FLI1: variants seen among roughly 807,000 people sequenced by gnomAD.
FLI1 encodes the protein Fli-1 proto-oncogene, ETS transcription factor.
FLI1 carries 13 observed loss-of-function variants against 53.1 expected under a neutral mutation model. The ratio of observed to expected loss-of-function variants is 0.24; its 90% CI spans 0.16 to 0.39. The LOEUF is 0.39. FLI1 is among the 10% of genes least tolerant of loss of function. The pLI is 1.00. For synonymous variants in FLI1, 244 were observed against 236.7 expected (o/e 1.03, Z -0.28); for missense variants, 424 against 600.5 (o/e 0.71, Z 3.07).
At chr11:128,746,212 C>A (rs1403650579) in intron 1 of FLI1, among the ~76,000 whole-genome samples, 1 of 152,062 alleles carries the variant, frequency 6.6e-6, no homozygotes, top group East Asian at 1.9e-4. Context: ...TTCTTAGGTG[C>A]CAGGAAGTGT....
At chr11:128,764,814 C>G in intron 2 of FLI1, 1 of 1,592,672 alleles carries the variant, frequency 6.3e-7, no homozygotes, top group South Asian at 1.1e-5. Flanking sequence ...GGCAGGCGAG[C>G]GGGCGAGGTA....
intron 2 of FLI1, among the ~76,000 whole-genome samples, chr11:128,760,527 T>C (rs1347016889): frequency 7.1e-6 from 1 of 141,090 alleles, no homozygotes; most frequent in South Asian, 2.4e-4. Flanking sequence ...TTCCTTTTTT[T>C]TTTTTTTTTT....
intron 4 of FLI1, among the ~76,000 whole-genome samples, chr11:128,781,291 C>T (rs982550161): frequency 6.6e-6 from 1 of 152,176 alleles, no homozygotes; most frequent in Non-Finnish European, 1.5e-5. Context: ...TTACCCTCAC[C>T]TGTGAAAGGA....
intron 1 of FLI1, among the ~76,000 whole-genome samples, chr11:128,698,380 T>TG (rs898238461): frequency 6.6e-6 from 1 of 152,254 alleles, no homozygotes; most frequent in African/African-American, 2.4e-5. Context: ...GGTTACCAAG[T>TG]GGAATCCTGT....
intron 3 of FLI1, among the ~76,000 whole-genome samples, chr11:128,771,119 T>C (rs572034830): frequency 6.6e-6 from 1 of 152,354 alleles, no homozygotes; most frequent in East Asian, 1.9e-4. Context: ...TTTGCATCTG[T>C]AAAATGGGGA....
At chr11:128,784,107 T>G (rs1420934350) in intron 5 of FLI1, among the ~76,000 whole-genome samples, 1 of 152,208 alleles carries the variant, frequency 6.6e-6, no homozygotes, top group East Asian at 1.9e-4. Context: ...AACATCAGAA[T>G]TAGCCAGTGA....
At chr11:128,720,792 G>A (rs1939220041) in intron 1 of FLI1, among the ~76,000 whole-genome samples, 1 of 152,246 alleles carries the variant, frequency 6.6e-6, no homozygotes, top group Admixed American at 6.5e-5. Flanking sequence ...GCAGCTGCCT[G>A]CCTCTCTTTC....
chr11:128,703,140 T>A (rs567335403), intron 1 of FLI1, among the ~76,000 whole-genome samples: 1 of 152,344 alleles, frequency 6.6e-6, no homozygotes, highest in South Asian at 2.1e-4. Context: ...AAAATTCCAA[T>A]GTTTATGACC....
intron 1 of FLI1, among the ~76,000 whole-genome samples, chr11:128,697,795 C>A (rs1160163618): frequency 6.6e-6 from 1 of 152,204 alleles, no homozygotes; most frequent in Admixed American, 6.5e-5. Flanking sequence ...TATTATGTTG[C>A]AAGGCTCTGC....
upstream of FLI1, among the ~76,000 whole-genome samples, chr11:128,688,916 T>C (rs1937634478): frequency 6.6e-6 from 1 of 152,078 alleles, no homozygotes; most frequent in East Asian, 1.9e-4. Context: ...TCTTAGGAGG[T>C]AGTCCATTCT....
chr11:128,793,836 G>A (rs528001666), intron 5 of FLI1, among the ~76,000 whole-genome samples: 1 of 152,316 alleles, frequency 6.6e-6, no homozygotes, highest in East Asian at 1.9e-4. Flanking sequence ...GCAGGGAACT[G>A]GTGCCAGGCT....
At chr11:128,686,210 A>G (rs1865799765), upstream of FLI1, 1 of 380,652 alleles carries the variant, frequency 2.6e-6, no homozygotes, top group Admixed American at 3.1e-5. Context: ...TCAGCCTGCA[A>G]GAAAGGGGAG....
At chr11:128,795,846 A>G (rs1260042458) in intron 5 of FLI1, among the ~76,000 whole-genome samples, 1 of 152,174 alleles carries the variant, frequency 6.6e-6, no homozygotes, top group Non-Finnish European at 1.5e-5. Context: ...CACTGCGCCC[A>G]GCCCTAGAAA....
rs1392074000 is a variant in FLI1, at chr11:128,687,494, C to CCGAGAG, written c.-203+796_-203+801dup. On this transcript the variant is annotated intron_variant, in intron 1 of 6. Transcript: ENST00000344954. ...AAAGCTTAGGACCATCTGAGTCAGT[C>CCGAGAG]CGAGAGCGGAGGAGGAAGGACTCTC... Among the ~76,000 whole-genome samples the CCGAGAG allele has an allele frequency of 2.6e-5, 4 of 152,224 alleles. No homozygotes were observed. In the South Asian group the frequency reaches 6.2e-4, roughly 24 times the overall value.
intron 1 of FLI1, among the ~76,000 whole-genome samples, chr11:128,719,830 G>A (rs1591751264): frequency 1.3e-5 from 2 of 152,258 alleles, no homozygotes; most frequent in African/African-American, 4.8e-5. Context: ...GGGAGACAAG[G>A]GACATGGAAA....
At chr11:128,794,644 T>C (rs1319132008) in intron 5 of FLI1, among the ~76,000 whole-genome samples, 2 of 152,208 alleles carry the variant, frequency 1.3e-5, no homozygotes, top group Admixed American at 6.5e-5. Flanking sequence ...TTATCTAAGA[T>C]AATAAAGAGC....
chr11:128,697,158 G>A (rs1285673508), intron 1 of FLI1, among the ~76,000 whole-genome samples: 1 of 152,170 alleles, frequency 6.6e-6, no homozygotes, highest in Non-Finnish European at 1.5e-5. Flanking sequence ...GTGTTAAAAA[G>A]CACATGATAC....
At chr11:128,798,412 C>A (rs553843834) in intron 5 of FLI1, among the ~76,000 whole-genome samples, 10 of 152,328 alleles carry the variant, frequency 6.6e-5, no homozygotes, top group Middle Eastern at 3.4e-3. Flanking sequence ...CTCACGTGGC[C>A]ATGGCAAGGC....
intron 1 of FLI1, among the ~76,000 whole-genome samples, chr11:128,757,860 C>T (rs1940952441): frequency 6.6e-6 from 1 of 152,180 alleles, no homozygotes; most frequent in Admixed American, 6.5e-5. Flanking sequence ...ACTACAGAAC[C>T]AATAAACAAA....
Sources: gnomAD v4.1 joint callset for allele counts (sites outside exome capture counted in the v4.1 genomes callset) on GRCh38, gnomAD v4.1.1 for gene constraint, MANE v1.5 for transcripts, NCBI Gene and HGNC (gene_info 2026-07-23, HGNC 2026-07-21) for gene names.